The following SETD5 variants were observed in gnomAD, a reference collection of about 807,000 sequenced individuals.
SETD5 encodes histone-lysine N-methyltransferase SETD5.
In SETD5, 44 loss-of-function variants were observed where a neutral mutation model predicts 153.3. The ratio of observed to expected loss-of-function variants is 0.29; its 90% CI spans 0.23 to 0.37. The LOEUF is 0.37. Ranked by LOEUF, SETD5 falls within the 10% of genes least tolerant of loss-of-function variation. The pLI is 1.00. For missense variants in SETD5, 1,544 were observed against 1,768.0 expected (o/e 0.87, Z 2.27); for synonymous variants, 716 against 645.2 (o/e 1.11, Z -1.66).
At position 9,465,950 on chromosome 3, in the gene SETD5, T is replaced by C. The variant is rs561213509; in HGVS notation, c.2724+1278T>C. ...GGCATAAGATTATAGGAATAGAGTG[T>C]CATACTTTATCAATACAGGTTTTAT... On this transcript the variant is annotated intron_variant, in intron 18 of 22. Coordinates refer to ENST00000402198, the MANE Select transcript of SETD5 (RefSeq NM_001080517.3). 4.1e-4 allele frequency among the ~76,000 whole-genome samples: 63 copies of C among 152,288 alleles called. 1 individual carries two copies. Among genetic ancestry groups the C allele is most frequent in the African/African-American group, 1.5e-3 (62 of 41,550 alleles).
rs1287800314 is a variant in SETD5, at chr3:9,397,650, C to G, written c.-504C>G. ...CCGCTCGGGCAGCGGGCTGAGTGAG[C>G]TGCCGCCGCCGCCGCCGCCGCCGCC... On this transcript the variant is annotated 5_prime_UTR_variant, in exon 1 of 23. Transcript: ENST00000402198. 3.0e-5 allele frequency: 3 copies of G among 101,370 alleles called. No individual in the cohort carries two copies. The highest frequency in any genetic ancestry group is 7.6e-5 in the African/African-American group (2 of 26,238). 6.3% of individuals were successfully genotyped at this position (101,370 alleles called of 1,614,324 possible). A position where few individuals can be genotyped will look rare whatever the true frequency, so the allele number is the denominator to read the frequency against.
At chr3:9,408,489 T>A (rs1445293657) in intron 1 of SETD5, among the ~76,000 whole-genome samples, 5 of 152,252 alleles carry the variant, frequency 3.3e-5, no homozygotes, top group African/African-American at 1.2e-4. Context: ...ATTGGTAAGT[T>A]TGAGTCTTTA....
At chr3:9,451,894 A>G (rs537622967) in intron 16 of SETD5, among the ~76,000 whole-genome samples, 1 of 152,340 alleles carries the variant, frequency 6.6e-6, no homozygotes, top group East Asian at 1.9e-4. Flanking sequence ...ATAGAGGTTC[A>G]GAGAAGGGAG....
intron 1 of SETD5, among the ~76,000 whole-genome samples, chr3:9,399,827 C>CA (rs33940536): frequency 6.4e-4 from 82 of 128,652 alleles, no homozygotes; most frequent in African/African-American, 1.5e-3. Flanking sequence ...AGCACTGGTC[C>CA]AAAAAAAAAA....
chr3:9,433,787 T>G, intron 3 of SETD5, 58 bp from the exon 4 acceptor site: 1 of 1,522,072 alleles, frequency 6.6e-7, no homozygotes, highest in Non-Finnish European at 9.1e-7. Context: ...AATGAAGTGT[T>G]AGTTTAAGGG....
In SETD5 at chr3:9,447,819, A is replaced by G; in HGVS notation, c.1916A>G (p.Gln639Arg). Residue 639 changes from glutamine to arginine, a missense_variant, in exon 15 of 23, where the codon CAG becomes CGG. Physicochemically the swap from Gln to Arg is conservative, Grantham distance 43. This residue lies in a region of SETD5 where 782 missense variants were observed against 787.2 expected (regional missense o/e 0.99). Transcript: ENST00000402198. ...AAGCGTCAGAAGCAGGCCAATGCAC[A>G]GCAGGCAGAATTGTCACAAGCTGCC... ...RLKRQKQANA[Q>R]QAELSQAALE... is the part of the protein sequence containing the mutation. 6.2e-7 allele frequency: 1 copy of G among 1,614,052 alleles called. No individual in the cohort carries two copies. Among genetic ancestry groups the G allele is most frequent in the Non-Finnish European group, 8.5e-7 (1 of 1,179,890 alleles).
chr3:9,400,937 C>T (rs978169295), intron 1 of SETD5, among the ~76,000 whole-genome samples: 22 of 152,214 alleles, frequency 1.4e-4, no homozygotes, highest in Admixed American at 5.2e-4. Flanking sequence ...CAATACTGGA[C>T]ATATTCCTGT....
chr3:9,429,030 A>G (rs999596560), intron 3 of SETD5, 21 bp downstream of exon 3: 8 of 1,576,790 alleles, frequency 5.1e-6, no homozygotes, highest in East Asian at 2.2e-5. Context: ...CTTTCTAGGT[A>G]GTAGGTACAT....
chr3:9,417,579 G>A (rs887017669), intron 1 of SETD5, among the ~76,000 whole-genome samples: 47 of 150,802 alleles, frequency 3.1e-4, no homozygotes, highest in Middle Eastern at 3.5e-3. Flanking sequence ...TCCGCCTCCC[G>A]GGTTCACGCC....
intron 3 of SETD5, 130 bp from the exon 4 acceptor site, chr3:9,433,715 C>G: frequency 1.0e-6 from 1 of 995,000 alleles, no homozygotes; most frequent in Non-Finnish European, 1.5e-6. Flanking sequence ...GATTGTTTCA[C>G]CGAGTTCTTT....
At chr3:9,413,746 C>T (rs2036981679) in intron 1 of SETD5, among the ~76,000 whole-genome samples, 1 of 150,098 alleles carries the variant, frequency 6.7e-6, no homozygotes, top group Admixed American at 6.7e-5. Context: ...ACAGCAGAGA[C>T]CTAGAAGTTT....
intron 1 of SETD5, among the ~76,000 whole-genome samples, chr3:9,415,831 TAGGATAC>T (rs1486734992): frequency 6.6e-6 from 1 of 151,684 alleles, no homozygotes; most frequent in Non-Finnish European, 1.5e-5. Flanking sequence ...CCCAAAGCGC[TAGGATAC>T]AGGTGTGAGC....
At chr3:9,445,531 G>A (rs773018813) in intron 12 of SETD5, 126 bp from the exon 13 acceptor site, 6 of 892,848 alleles carry the variant, frequency 6.7e-6, no homozygotes, top group Non-Finnish European at 1.0e-5. Context: ...TTTACCATGT[G>A]GCCTCACATG....
chr3:9,471,045 G>A, intron 19 of SETD5, 116 bp downstream of exon 19: 1 of 620,918 alleles, frequency 1.6e-6, no homozygotes, highest in African/African-American at 1.8e-5. Flanking sequence ...GTGAGACATA[G>A]TCTCTGCCAA....
In SETD5 at chr3:9,435,954, A is replaced by G. The variant is rs2040514617; in HGVS notation, c.567+48A>G. ...AAATAGAAATTGTCTGAAATAGCTT[A>G]AATTTTGGAGCAAGAATGCACCAAA... is the stretch of plus-strand genomic sequence containing the variant. On this transcript the variant is annotated intron_variant, in intron 7 of 22. Transcript: ENST00000402198. 18 of 1,496,892 alleles carry G rather than the reference A, an allele frequency of 1.2e-5. No individual in the cohort carries two copies. The East Asian group carries it at 4.4e-4, about 37-fold the overall frequency. 92.7% of individuals were successfully genotyped at this position (1,496,892 alleles called of 1,614,324 possible).
intron 1 of SETD5, among the ~76,000 whole-genome samples, chr3:9,412,449 C>G (rs556326298): frequency 4.5e-5 from 6 of 134,760 alleles, no homozygotes; most frequent in African/African-American, 1.7e-4. Flanking sequence ...GTCGCCCAGG[C>G]TAGAGTGCAG....
intron 7 of SETD5, among the ~76,000 whole-genome samples, chr3:9,438,821 T>A (rs1182322047): frequency 6.6e-6 from 1 of 152,232 alleles, no homozygotes; most frequent in African/African-American, 2.4e-5. Context: ...CCCTGGTGTC[T>A]ACCCACTAGA....
chr3:9,447,581 A>C (rs1043836447), intron 14 of SETD5, 105 bp from the exon 15 acceptor site: 1 of 1,282,268 alleles, frequency 7.8e-7, no homozygotes, highest in South Asian at 1.4e-5. Context: ...TCTAATCCTT[A>C]TATTTTTCAT....
intron 7 of SETD5, among the ~76,000 whole-genome samples, chr3:9,439,725 G>A (rs1301212038): frequency 6.6e-6 from 1 of 152,070 alleles, no homozygotes; most frequent in Non-Finnish European, 1.5e-5. Context: ...TTTTCCTAGA[G>A]GAGTATAGCA....
Sources: allele counts gnomAD v4.1 joint callset (sites outside exome capture counted in the v4.1 genomes callset), GRCh38; gene constraint gnomAD v4.1.1; regional missense constraint gnomAD v4.1.1; transcripts MANE v1.5; gene names NCBI Gene and HGNC (gene_info 2026-07-23, HGNC 2026-07-21).